The following GK5 variants were observed in gnomAD, a reference collection of about 807,000 sequenced individuals.
GK5 encodes glycerol kinase 5.
GK5 carries 39 observed loss-of-function variants against 77.3 expected under a neutral mutation model. The ratio of observed to expected loss-of-function variants is 0.50; its 90% CI spans 0.39 to 0.66. GK5 has a LOEUF of 0.66. Ranked by LOEUF, GK5 falls within the 30% of genes least tolerant of loss-of-function variation. The pLI is 0.00. For missense variants in GK5, 487 were observed against 633.8 expected, an observed-to-expected ratio of 0.77 and a Z score of 2.49; for synonymous variants, 211 against 208.0, an observed-to-expected ratio of 1.01 and a Z score of -0.13.
intron 5 of GK5, among the ~76,000 whole-genome samples, chr3:142,197,069 C>T (rs1409567856): frequency 1.3e-5 from 2 of 152,098 alleles, no homozygotes; most frequent in African/African-American, 4.8e-5. Flanking sequence ...TGCCTGTAGT[C>T]CCAGCTACTC....
intron 4 of GK5, among the ~76,000 whole-genome samples, chr3:142,199,163 G>C (rs2063980464): frequency 6.6e-6 from 1 of 151,964 alleles, no homozygotes; most frequent in Non-Finnish European, 1.5e-5. Flanking sequence ...GCAAATACCA[G>C]ATGCTCAGGT....
rs762922397 is a variant in GK5 at position 142,185,788 on chromosome 3, C to A, written c.816+141G>T. On this transcript the variant is annotated intron_variant, in intron 9 of 15. Coordinates refer to ENST00000392993, the MANE Select transcript of GK5 (RefSeq NM_001039547.3). Reference sequence around the variant, plus strand: ...AGATATTCTGGTCATATCCAGGGACCTTTAACTTAAAAAGAAAAAAAAATA... The same window carrying A: ...AGATATTCTGGTCATATCCAGGGACATTTAACTTAAAAAGAAAAAAAAATA... 6.5e-6 allele frequency: 10 copies of A among 1,549,620 alleles called. No individual in the cohort carries two copies. The Admixed American group carries it at 1.5e-4, about 24-fold the overall frequency.
chr3:142,185,769 TC>T, intron 9 of GK5, 159 bp downstream of exon 9: 1 of 1,558,584 alleles, frequency 6.4e-7, no homozygotes, highest in South Asian at 1.2e-5. Context: ...TAGCAGATAT[TC>T]TGGTCATATC....
Position 142,225,401 on chromosome 3 carries a change from C to T in GK5, c.55G>A (p.Gly19Ser), listed in dbSNP as rs1344594981. The change falls in exon 1 of 16, where the codon GGC becomes AGC. Residue 19 changes from glycine to serine, a missense_variant. Physicochemically the swap from Gly to Ser is moderately conservative, Grantham distance 56. Transcript: ENST00000392993. ...EQRAQEPRYP[G>S]FVLGLDVGSS... Reference sequence around the variant, plus strand: ...CCCACATCCAGCCCCAGCACGAAGCCGGGGTACCGCGGCTCCTGCGCTCTC... The same window carrying T: ...CCCACATCCAGCCCCAGCACGAAGCTGGGGTACCGCGGCTCCTGCGCTCTC... The T allele has an allele frequency of 2.5e-6, 4 of 1,599,166 alleles. No homozygotes were observed. Among genetic ancestry groups the T allele is most frequent in the Non-Finnish European group, 3.4e-6 (4 of 1,175,230 alleles).
rs775920590 is a variant in GK5 at position 142,225,273 on chromosome 3, A to G, written c.147+36T>C. ...CGGACCCCGGGACTCAGCGAAACCC[A>G]GTCAGACCCGCGCCCCACGCCCGCC... is the stretch of plus-strand genomic sequence containing the variant. On this transcript the variant is annotated intron_variant, in intron 1 of 15. Coordinates refer to ENST00000392993, the MANE Select transcript of GK5 (RefSeq NM_001039547.3). 2.9e-5 allele frequency: 43 copies of G among 1,508,302 alleles called. 1 individual carries two copies. Among genetic ancestry groups the G allele is most frequent in the Middle Eastern group, 4.6e-4 (2 of 4,332 alleles). 93.4% of individuals were successfully genotyped at this position (1,508,302 alleles called of 1,614,324 possible).
chr3:142,166,540 C>T (rs1028546026), intron 15 of GK5, among the ~76,000 whole-genome samples: 1 of 147,652 alleles, frequency 6.8e-6, no homozygotes, highest in Admixed American at 6.8e-5. Context: ...AGCAAGAGAA[C>T]TTTTTTTTTT....
At chr3:142,220,410 C>G (rs926262414) in intron 1 of GK5, among the ~76,000 whole-genome samples, 1 of 152,222 alleles carries the variant, frequency 6.6e-6, no homozygotes, top group Non-Finnish European at 1.5e-5. Flanking sequence ...GCTAGGATTA[C>G]AGGCGTCAGC....
rs1177447342 is a variant in GK5 at position 142,160,041 on chromosome 3, T to A, written c.*5581A>T. ...TTTTGTATTTTTAGTAGAGATGGGGTTTCACCATATTGATCAGGCTGGTCT... is the reference window on the plus strand; with the variant it reads ...TTTTGTATTTTTAGTAGAGATGGGGATTCACCATATTGATCAGGCTGGTCT... On this transcript the variant is annotated 3_prime_UTR_variant, in exon 16 of 16. Transcript: ENST00000392993. 6.6e-6 allele frequency: 1 copy of A among 152,142 alleles called. No individual in the cohort carries two copies. Among genetic ancestry groups the A allele is most frequent in the Non-Finnish European group, 1.5e-5 (1 of 68,088 alleles). The allele number at this position is 152,142 out of a possible 1,614,324, so 9.4% of individuals were successfully genotyped here.
Position 142,219,598 on chromosome 3 carries a change from A to C in GK5, c.148-3906T>G, listed in dbSNP as rs377140943. ...GGAGATGTGACTACAATAAAGTAAC[A>C]CAAGGGAGCTTGGGGATTACTTCTA... On this transcript the variant is annotated intron_variant, in intron 1 of 15. Transcript: ENST00000392993. Among the ~76,000 whole-genome samples the C allele has an allele frequency of 1.1e-4, 16 of 152,376 alleles. No homozygotes were observed. In the East Asian group the frequency reaches 2.7e-3, roughly 26 times the overall value.
intron 4 of GK5, 46 bp downstream of exon 4, chr3:142,204,649 G>GAAA: frequency 1.1e-6 from 1 of 881,638 alleles, no homozygotes; most frequent in Non-Finnish European, 1.8e-6. Context: ...GACATTTACA[G>GAAA]AAAAAAAAAA....
intron 12 of GK5, among the ~76,000 whole-genome samples, chr3:142,174,218 T>A (rs984377307): frequency 6.6e-6 from 1 of 152,192 alleles, no homozygotes; most frequent in Non-Finnish European, 1.5e-5. Context: ...ACACATTTGG[T>A]GAATAAATGA....
At chr3:142,171,003 C>G (rs905982485) in intron 14 of GK5, among the ~76,000 whole-genome samples, 1 of 151,980 alleles carries the variant, frequency 6.6e-6, no homozygotes, top group East Asian at 1.9e-4. Context: ...CTGAAGAGGG[C>G]GGATCACCTG....
Position 142,198,792 on chromosome 3 carries a change from A to T in GK5, c.543+10T>A, listed in dbSNP as rs1442253348. 1 of 1,605,232 alleles carries T rather than the reference A, an allele frequency of 6.2e-7. No individual in the cohort carries two copies. Reference sequence around the variant, plus strand: ...CACATATTTTCCACATACACACAGTATTTTCTTACCTCAGTCAAGTTCTGT... The same window carrying T: ...CACATATTTTCCACATACACACAGTTTTTTCTTACCTCAGTCAAGTTCTGT... On this transcript the variant is annotated intron_variant, in intron 5 of 15. Coordinates refer to ENST00000392993, the MANE Select transcript of GK5 (RefSeq NM_001039547.3).
chr3:142,211,644 T>G (rs1347914305), intron 3 of GK5, among the ~76,000 whole-genome samples: 1 of 152,092 alleles, frequency 6.6e-6, no homozygotes, highest in African/African-American at 2.4e-5. Context: ...TTTTAAAAAT[T>G]AGCCAGCCAT....
intron 3 of GK5, 116 bp from the exon 4 acceptor site, chr3:142,204,904 G>A: frequency 1.6e-6 from 1 of 619,870 alleles, no homozygotes; most frequent in Non-Finnish European, 2.9e-6. Flanking sequence ...GTATAATTTA[G>A]TTACATGTGC....
chr3:142,215,285 T>A (rs2064257927), intron 2 of GK5, among the ~76,000 whole-genome samples: 1 of 152,200 alleles, frequency 6.6e-6, no homozygotes, highest in Non-Finnish European at 1.5e-5. Context: ...AACTTCTGTT[T>A]ATAATCCTCT....
In GK5 at chr3:142,173,235, C is replaced by T. The variant is rs1244868367; in HGVS notation, c.1144-779G>A. 3 of 425,716 alleles carry T rather than the reference C, an allele frequency of 7.0e-6. No individual in the cohort carries two copies. In the Admixed American group the frequency reaches 8.5e-5, roughly 12 times the overall value. 26.4% of individuals were successfully genotyped at this position (425,716 alleles called of 1,614,324 possible). A position where few individuals can be genotyped will look rare whatever the true frequency, so the allele number is the denominator to read the frequency against. On this transcript the variant is annotated intron_variant, in intron 12 of 15. Transcript: ENST00000392993. The stretch of plus-strand genomic sequence containing the variant: ...AAAAAACACCACTACACTCTTCTCT[C>T]TTAGCTTAATAGCCTTACTGCCTAA...
chr3:142,207,460 T>C (rs2064126015), intron 3 of GK5, among the ~76,000 whole-genome samples: 3 of 152,360 alleles, frequency 2.0e-5, no homozygotes, highest in South Asian at 4.1e-4. Context: ...TGTGTTTCTG[T>C]TTTAAGGCTC....
intron 9 of GK5, 157 bp from the exon 10 acceptor site, chr3:142,183,206 G>A: frequency 1.6e-6 from 1 of 614,086 alleles, no homozygotes; most frequent in Non-Finnish European, 2.8e-6. Flanking sequence ...AGAATAGGGA[G>A]CAACAACCAT....
Sources: allele counts gnomAD v4.1 joint callset (sites outside exome capture counted in the v4.1 genomes callset), GRCh38; gene constraint gnomAD v4.1.1; transcripts MANE v1.5; gene names NCBI Gene and HGNC (gene_info 2026-07-23, HGNC 2026-07-21).